Variants in P2RY14 observed in about 807,000 individuals in gnomAD.
The protein encoded by P2RY14 is P2Y purinoceptor 14.
Under a neutral mutation model 0.9 loss-of-function variants are expected in P2RY14, and 2 were observed. The ratio of observed to expected loss-of-function variants is 2.16; its 90% confidence interval spans 0.88 to 6.79. The LOEUF (loss-of-function observed/expected upper bound fraction) is 6.79. Among genes scored for constraint, P2RY14 ranks in the 30% most tolerant of loss-of-function variants. P2RY14 has a pLI of 0.05. For synonymous variants in P2RY14, 158 were observed against 147.2 expected (o/e 1.07, Z -0.53); for missense variants, 378 against 400.1 (o/e 0.94, Z 0.47).
intron 1 of P2RY14, among the ~76,000 whole-genome samples, chr3:151,222,349 T>A (rs758830224): frequency 1.3e-5 from 2 of 152,198 alleles, no homozygotes; most frequent in African/African-American, 4.8e-5. Context: ...TGTGAAGATA[T>A]GAGATTTGGG....
At chr3:151,265,956 T>G (rs1307547861) in intron 1 of P2RY14, among the ~76,000 whole-genome samples, 1 of 152,202 alleles carries the variant, frequency 6.6e-6, no homozygotes, top group East Asian at 1.9e-4. Flanking sequence ...TGGGCAAGTC[T>G]GATTAGTTCT....
rs529650678 is a variant in P2RY14 at position 151,259,092 on chromosome 3, C to T, written c.-133+19195G>A. On this transcript the variant is annotated intron_variant, in intron 1 of 2. Coordinates refer to ENST00000309170, the MANE Select transcript of P2RY14 (RefSeq NM_014879.4). Reference sequence around the variant, plus strand: ...TGGGAAATGACATACTTTAAATATACTGGAATAAGGAGAACCTTTTTTAAC... The same window carrying T: ...TGGGAAATGACATACTTTAAATATATTGGAATAAGGAGAACCTTTTTTAAC... Among the ~76,000 whole-genome samples, 5 of 152,222 alleles carry T rather than the reference C, an allele frequency of 3.3e-5. No individual in the cohort carries two copies. In the South Asian group the frequency reaches 1.0e-3, roughly 32 times the overall value.
intron 1 of P2RY14, among the ~76,000 whole-genome samples, chr3:151,237,329 C>T (rs867294534): frequency 7.0e-5 from 10 of 143,248 alleles, no homozygotes; most frequent in Admixed American, 1.4e-4. Flanking sequence ...TGAGCCACCA[C>T]GCCTGGCTTT....
chr3:151,222,302 C>CG (rs1553747417), intron 1 of P2RY14, among the ~76,000 whole-genome samples: 1 of 151,954 alleles, frequency 6.6e-6, no homozygotes, highest in Non-Finnish European at 1.5e-5. Flanking sequence ...TGAATTGAGA[C>CG]TTGGGGGACT....
At chr3:151,253,619 TG>T (rs1737253109) in intron 1 of P2RY14, among the ~76,000 whole-genome samples, 1 of 152,174 alleles carries the variant, frequency 6.6e-6, no homozygotes, top group African/African-American at 2.4e-5. Context: ...GTATCACAGA[TG>T]GTGATGGCTG....
At chr3:151,226,889 A>C (rs2149300228) in intron 1 of P2RY14, among the ~76,000 whole-genome samples, 1 of 152,332 alleles carries the variant, frequency 6.6e-6, no homozygotes, top group Non-Finnish European at 1.5e-5. Flanking sequence ...TGATTACAAC[A>C]GGTAACGTTA....
chr3:151,268,983 T>C (rs59501054), intron 1 of P2RY14, among the ~76,000 whole-genome samples: 4,061 of 152,258 alleles, frequency 0.027, 166 homozygotes, highest in African/African-American at 0.094. Flanking sequence ...TCTTGAACTT[T>C]CCTAGCGGTG....
At chr3:151,263,320 A>C (rs925727066) in intron 1 of P2RY14, among the ~76,000 whole-genome samples, 1 of 152,196 alleles carries the variant, frequency 6.6e-6, no homozygotes, top group Non-Finnish European at 1.5e-5. Flanking sequence ...TAAACTTGTG[A>C]GCATCTGTTT....
chr3:151,226,751 T>C (rs1046688132), intron 1 of P2RY14, among the ~76,000 whole-genome samples: 1 of 152,236 alleles, frequency 6.6e-6, no homozygotes, highest in African/African-American at 2.4e-5. Context: ...TACTGCGGCA[T>C]AGAGAACCTC....
intron 1 of P2RY14, among the ~76,000 whole-genome samples, chr3:151,274,480 G>A (rs1741521746): frequency 6.6e-6 from 1 of 152,136 alleles, no homozygotes; most frequent in Non-Finnish European, 1.5e-5. Flanking sequence ...AGAAACATAG[G>A]TAGGCAGTTT....
chr3:151,256,070 A>G (rs1461935900), intron 1 of P2RY14, among the ~76,000 whole-genome samples: 3 of 152,242 alleles, frequency 2.0e-5, no homozygotes, highest in Non-Finnish European at 4.4e-5. Flanking sequence ...CATATGCTAG[A>G]TAGAAATACA....
chr3:151,236,448 T>G (rs979159860), intron 1 of P2RY14, among the ~76,000 whole-genome samples: 2 of 152,200 alleles, frequency 1.3e-5, no homozygotes, highest in Non-Finnish European at 2.9e-5. Flanking sequence ...TTTTACAGAT[T>G]TATTTTGTTA....
At chr3:151,262,622 G>T (rs923430066) in intron 1 of P2RY14, among the ~76,000 whole-genome samples, 2 of 152,186 alleles carry the variant, frequency 1.3e-5, no homozygotes, top group African/African-American at 4.8e-5. Context: ...CATGGGCAAT[G>T]TAAATACATT....
At chr3:151,247,600 C>T (rs1484301081) in intron 1 of P2RY14, among the ~76,000 whole-genome samples, 2 of 88,316 alleles carry the variant, frequency 2.3e-5, no homozygotes, top group Non-Finnish European at 4.5e-5. Flanking sequence ...TATCACACTC[C>T]GGGGACTGTT....
At chr3:151,254,054 G>GT (rs1233266312) in intron 1 of P2RY14, among the ~76,000 whole-genome samples, 1 of 122,096 alleles carries the variant, frequency 8.2e-6, no homozygotes, top group Non-Finnish European at 1.7e-5. Flanking sequence ...ATGCATTTGT[G>GT]TACTTTAAGA....
intron 1 of P2RY14, among the ~76,000 whole-genome samples, chr3:151,223,869 C>T (rs1729923295): frequency 6.6e-6 from 1 of 152,304 alleles, no homozygotes; most frequent in South Asian, 2.1e-4. Flanking sequence ...TTGCCTACTC[C>T]TGGGGAGGGA....
At chr3:151,252,025 C>A (rs768476203) in intron 1 of P2RY14, among the ~76,000 whole-genome samples, 5 of 152,136 alleles carry the variant, frequency 3.3e-5, no homozygotes, top group African/African-American at 9.7e-5. Context: ...TTCTATTTAA[C>A]CTGTGTGTTT....
chr3:151,238,985 C>T (rs1733507567), intron 1 of P2RY14, among the ~76,000 whole-genome samples: 1 of 152,080 alleles, frequency 6.6e-6, no homozygotes, highest in African/African-American at 2.4e-5. Flanking sequence ...AACTGAGAGA[C>T]AATTTTTGAC....
Position 151,243,012 on chromosome 3 carries a change from AT to A in P2RY14, c.-132-23371del, listed in dbSNP as rs1734534792. Among the ~76,000 whole-genome samples, 3 of 151,968 alleles carry A rather than the reference AT, an allele frequency of 2.0e-5. No individual in the cohort carries two copies. The East Asian group carries it at 5.8e-4, about 29-fold the overall frequency. On this transcript the variant is annotated intron_variant, in intron 1 of 2. Transcript: ENST00000309170. ...CATGCGATCAACTGGAAGAAAGGGTATCAGCGATGGAAGATGAAATGAATGA... is the reference window on the plus strand; with the variant it reads ...CATGCGATCAACTGGAAGAAAGGGTACAGCGATGGAAGATGAAATGAATGA...
Sources: allele counts gnomAD v4.1 joint callset (sites outside exome capture counted in the v4.1 genomes callset), GRCh38; gene constraint gnomAD v4.1.1; transcripts MANE v1.5; gene names NCBI Gene and HGNC (gene_info 2026-07-23, HGNC 2026-07-21).